Variants in AGBL4 observed in about 807,000 individuals in gnomAD.
AGBL4 encodes the protein cytosolic carboxypeptidase 6.
AGBL4 carries 58 observed loss-of-function variants against 66.4 expected under a neutral mutation model. The ratio of observed to expected loss-of-function variants is 0.87; its 90% confidence interval spans 0.71 to 1.09. The LOEUF (loss-of-function observed/expected upper bound fraction) is 1.09, where lower values mean the gene tolerates loss of function less well. Ranked by LOEUF, AGBL4 falls within the 50% of genes least tolerant of loss-of-function variation. AGBL4 has a pLI of 0.00. For synonymous variants in AGBL4, 234 were observed against 222.9 expected, an observed-to-expected ratio of 1.05 and a Z score of -0.44; for missense variants, 579 against 631.0, an observed-to-expected ratio of 0.92 and a Z score of 0.88.
chr1:49,679,147 T>C (rs991275351), intron 3 of AGBL4, among the ~76,000 whole-genome samples: 24 of 152,162 alleles, frequency 1.6e-4, no homozygotes, highest in Admixed American at 9.2e-4. Flanking sequence ...TTGAAGTCTT[T>C]AGCTATTCTG....
intron 11 of AGBL4, among the ~76,000 whole-genome samples, chr1:48,582,610 C>A (rs1405436909): frequency 2.0e-5 from 3 of 152,174 alleles, no homozygotes; most frequent in South Asian, 2.1e-4. Flanking sequence ...TGAGACAAGT[C>A]AAGACAAGAA....
intron 3 of AGBL4, among the ~76,000 whole-genome samples, chr1:49,351,039 C>T (rs1163912267): frequency 2.0e-5 from 3 of 152,112 alleles, no homozygotes; most frequent in Non-Finnish European, 4.4e-5. Context: ...AACAGCAAGC[C>T]GCTTCTTTCA....
intron 3 of AGBL4, among the ~76,000 whole-genome samples, chr1:49,631,885 G>T (rs1645576666): frequency 6.6e-6 from 1 of 152,184 alleles, no homozygotes; most frequent in Admixed American, 6.5e-5. Context: ...CAGACTCCTA[G>T]TACTCCTACT....
At chr1:49,169,339 A>AT (rs1646690758) in intron 4 of AGBL4, among the ~76,000 whole-genome samples, 1 of 152,138 alleles carries the variant, frequency 6.6e-6, no homozygotes, top group Non-Finnish European at 1.5e-5. Flanking sequence ...TGATCTGTAT[A>AT]ACAACTGGAT....
At chr1:49,481,917 T>C (rs1297227999) in intron 3 of AGBL4, among the ~76,000 whole-genome samples, 3 of 151,404 alleles carry the variant, frequency 2.0e-5, no homozygotes, top group African/African-American at 7.3e-5. Flanking sequence ...ATTTGTGTGA[T>C]GAATCATGTT....
chr1:48,709,031 G>A (rs1202341391), intron 6 of AGBL4, among the ~76,000 whole-genome samples: 3 of 152,178 alleles, frequency 2.0e-5, no homozygotes, highest in East Asian at 1.9e-4. Flanking sequence ...CTGACTGGCC[G>A]AGTGGCCTCA....
At chr1:49,311,441 A>G (rs771485262) in intron 3 of AGBL4, among the ~76,000 whole-genome samples, 2 of 152,192 alleles carry the variant, frequency 1.3e-5, no homozygotes, top group Non-Finnish European at 2.9e-5. Flanking sequence ...AATGGAACCT[A>G]CATATAAGAA....
intron 3 of AGBL4, chr1:49,257,330 C>G (rs1314054358): frequency 1.3e-5 from 2 of 154,064 alleles, no homozygotes; most frequent in African/African-American, 4.8e-5. Context: ...CCACCCAGTT[C>G]GAGTTTCCTG....
rs146041042 is a variant in AGBL4, at chr1:48,742,668, G to C, written c.635-79427C>G. On this transcript the variant is annotated intron_variant, in intron 6 of 13. Coordinates refer to ENST00000371839, the MANE Select transcript of AGBL4 (RefSeq NM_032785.4). The stretch of plus-strand genomic sequence containing the variant: ...ACTTGTCCATGACAGGCGCAGGAGC[G>C]GGGTAATAGGACGACGTATTTGCTT... 56 of 1,609,204 alleles carry C rather than the reference G, an allele frequency of 3.5e-5. No individual in the cohort carries two copies. In the Middle Eastern group the frequency reaches 4.9e-4, roughly 14 times the overall value.
At chr1:48,826,805 T>C (rs1002435883) in intron 6 of AGBL4, among the ~76,000 whole-genome samples, 2 of 152,216 alleles carry the variant, frequency 1.3e-5, no homozygotes, top group Non-Finnish European at 2.9e-5. Flanking sequence ...TGAGTCTTTC[T>C]GGTTAACAGG....
intron 4 of AGBL4, among the ~76,000 whole-genome samples, chr1:49,086,047 C>G (rs1644901469): frequency 6.6e-6 from 1 of 152,164 alleles, no homozygotes; most frequent in South Asian, 2.1e-4. Flanking sequence ...TCATTTCTAT[C>G]TGAACTCAGG....
intron 2 of AGBL4, among the ~76,000 whole-genome samples, chr1:49,719,134 G>A (rs182301395): frequency 6.6e-6 from 1 of 152,188 alleles, no homozygotes; most frequent in African/African-American, 2.4e-5. Context: ...AATCATACAA[G>A]TGGCTATCAC....
chr1:49,667,826 A>G (rs967317955), intron 3 of AGBL4, among the ~76,000 whole-genome samples: 1 of 152,206 alleles, frequency 6.6e-6, no homozygotes, highest in Non-Finnish European at 1.5e-5. Flanking sequence ...ACAAAAGAAG[A>G]GGAATGAAGA....
At chr1:49,468,530 T>C (rs1422887893) in intron 3 of AGBL4, among the ~76,000 whole-genome samples, 2 of 152,022 alleles carry the variant, frequency 1.3e-5, no homozygotes, top group Non-Finnish European at 2.9e-5. Flanking sequence ...ATTTGCCTCA[T>C]GTCAGTCCAG....
intron 2 of AGBL4, among the ~76,000 whole-genome samples, chr1:49,847,151 C>T (rs918037569): frequency 2.0e-5 from 3 of 152,100 alleles, no homozygotes; most frequent in African/African-American, 7.2e-5. Context: ...ACTACACATA[C>T]ATTGGGAAGA....
intron 3 of AGBL4, among the ~76,000 whole-genome samples, chr1:49,285,889 G>T (rs1192149143): frequency 6.6e-6 from 1 of 152,116 alleles, no homozygotes; most frequent in African/African-American, 2.4e-5. Flanking sequence ...TGATACCAAA[G>T]CCGGGCAGAG....
chr1:49,593,550 T>C (rs978679168), intron 3 of AGBL4, among the ~76,000 whole-genome samples: 6 of 152,216 alleles, frequency 3.9e-5, no homozygotes, highest in African/African-American at 1.4e-4. Flanking sequence ...ATCTTAAAAA[T>C]AAGGCAGGAC....
intron 3 of AGBL4, among the ~76,000 whole-genome samples, chr1:49,262,246 A>G (rs1010743753): frequency 6.6e-5 from 10 of 152,202 alleles, no homozygotes; most frequent in African/African-American, 2.4e-4. Context: ...GGACATAGGC[A>G]TGGGCAAGGA....
intron 2 of AGBL4, among the ~76,000 whole-genome samples, chr1:49,834,492 G>A (rs1035474979): frequency 6.6e-6 from 1 of 152,012 alleles, no homozygotes; most frequent in African/African-American, 2.4e-5. Flanking sequence ...TATTAGTCTG[G>A]CTAGATGTCT....
Sources: allele counts gnomAD v4.1 joint callset (sites outside exome capture counted in the v4.1 genomes callset), GRCh38; gene constraint gnomAD v4.1.1; transcripts MANE v1.5; gene names NCBI Gene and HGNC (gene_info 2026-07-23, HGNC 2026-07-21).